Variants in KIRREL3 observed in about 807,000 individuals in gnomAD.
KIRREL3 encodes kirre like nephrin family adhesion molecule 3.
A neutral mutation model predicts 89.7 loss-of-function variants in KIRREL3; 36 were observed. The ratio of observed to expected loss-of-function variants is 0.40; its 90% CI spans 0.31 to 0.53. The LOEUF (loss-of-function observed/expected upper bound fraction) is 0.53, where lower values mean the gene tolerates loss of function less well. Among genes scored for constraint, KIRREL3 ranks in the 20% least tolerant of loss-of-function variants. The probability of loss-of-function intolerance (pLI) is 0.49; values close to 1 mark genes in which losing one functional copy is unlikely to be tolerated. For synonymous variants in KIRREL3, 445 were observed against 441.4 expected (o/e 1.01, Z -0.10); for missense variants, 864 against 1,056.6 (o/e 0.82, Z 2.53).
intron 2 of KIRREL3, among the ~76,000 whole-genome samples, chr11:126,543,525 T>C (rs946030061): frequency 6.6e-6 from 1 of 152,042 alleles, no homozygotes; most frequent in Non-Finnish European, 1.5e-5. Flanking sequence ...TGGCTTTTTT[T>C]CCCCCAACAG....
intron 6 of KIRREL3, among the ~76,000 whole-genome samples, chr11:126,460,285 G>A (rs141951368): frequency 4.9e-3 from 747 of 152,292 alleles, no homozygotes; most frequent in African/African-American, 0.017. Flanking sequence ...ATGGCTCTGC[G>A]TCCTGACAGC....
At chr11:126,559,928 C>T (rs920764016) in intron 2 of KIRREL3, among the ~76,000 whole-genome samples, 10 of 152,124 alleles carry the variant, frequency 6.6e-5, no homozygotes, top group African/African-American at 1.9e-4. Flanking sequence ...AGTGATCTGC[C>T]TGCCTTGGCC....
chr11:126,820,035 T>C (rs1177984091), intron 1 of KIRREL3, among the ~76,000 whole-genome samples: 4 of 152,228 alleles, frequency 2.6e-5, no homozygotes, highest in African/African-American at 7.2e-5. Context: ...TCATTCATTC[T>C]CTCATTCATT....
In KIRREL3 at chr11:126,571,408, G is replaced by A. The variant is rs984960798; in HGVS notation, c.56-8496C>T. 2.0e-5 allele frequency among the ~76,000 whole-genome samples: 3 copies of A among 152,140 alleles called. No individual in the cohort carries two copies. Among genetic ancestry groups the A allele is most frequent in the Admixed American group, 1.3e-4 (2 of 15,274 alleles). ...AGTGGGACACTGGTTACTATCTTTG[G>A]GGGCTGGGTGCAGCCCAGCCTTGCC... is the stretch of plus-strand genomic sequence containing the variant. On this transcript the variant is annotated intron_variant, in intron 1 of 16. Coordinates refer to ENST00000525144, the MANE Select transcript of KIRREL3 (RefSeq NM_032531.4). The surrounding 1 kb of genome is among the most constrained non-coding windows in gnomAD (Gnocchi z 7.7).
In KIRREL3 at chr11:126,551,844, C is replaced by T. The variant is rs1032966810; in HGVS notation, c.133+10991G>A. Among the ~76,000 whole-genome samples the T allele has an allele frequency of 1.3e-5, 2 of 152,186 alleles. No individual in the cohort carries two copies. Among genetic ancestry groups the T allele is most frequent in the African/African-American group, 4.8e-5 (2 of 41,456 alleles). ...TATTTTTAGTAGAGATGGGGTTTCACCATGTTAGTCAGGCTGGTCTTGAAC... is the reference window on the plus strand; with the variant it reads ...TATTTTTAGTAGAGATGGGGTTTCATCATGTTAGTCAGGCTGGTCTTGAAC... On this transcript the variant is annotated intron_variant, in intron 2 of 16. Coordinates refer to ENST00000525144, the MANE Select transcript of KIRREL3 (RefSeq NM_032531.4). The surrounding 1 kb of genome is among the most constrained non-coding windows in gnomAD (Gnocchi z 4.9).
Position 126,912,001 on chromosome 11 carries a change from A to AAC in KIRREL3, c.55+88453_55+88454insGT, listed in dbSNP as rs1946840648. On this transcript the variant is annotated intron_variant, in intron 1 of 16. Transcript: ENST00000525144. This position sits in a 1 kb window ranked among gnomAD's most constrained non-coding sequence, Gnocchi z 4.7. ...CTGTCTCAAAAAAAAAAAAAAAAAA[A>AAC]AAGAACGGCAACTGGGATGACTCAG... Among the ~76,000 whole-genome samples the AAC allele has an allele frequency of 6.9e-6, 1 of 145,824 alleles. No individual in the cohort carries two copies. The highest frequency in any genetic ancestry group is 2.3e-4 in the South Asian group (1 of 4,296).
intron 8 of KIRREL3, among the ~76,000 whole-genome samples, chr11:126,448,572 G>A (rs922690632): frequency 1.3e-5 from 2 of 152,198 alleles, no homozygotes; most frequent in Non-Finnish European, 1.5e-5. Flanking sequence ...AGCTTTGCAG[G>A]GGCAGGGGTT....
rs1406356827 is a variant in KIRREL3 at position 126,568,121 on chromosome 11, G to T, written c.56-5209C>A. Among the ~76,000 whole-genome samples the T allele has an allele frequency of 1.3e-5, 2 of 152,126 alleles. No individual in the cohort carries two copies. Among genetic ancestry groups the T allele is most frequent in the African/African-American group, 4.8e-5 (2 of 41,456 alleles). ...GGTGTGGCTGTAGCAGAAGAAAAAA[G>T]ATGAGACAGGAGATCTAGCCAGGGA... On this transcript the variant is annotated intron_variant, in intron 1 of 16. Coordinates refer to ENST00000525144, the MANE Select transcript of KIRREL3 (RefSeq NM_032531.4). The surrounding 1 kb of genome is among the most constrained non-coding windows in gnomAD (Gnocchi z 4.6).
At chr11:126,616,028 C>T (rs180950087) in intron 1 of KIRREL3, among the ~76,000 whole-genome samples, 4 of 152,180 alleles carry the variant, frequency 2.6e-5, no homozygotes, top group East Asian at 1.9e-4. Flanking sequence ...TTAGTGTGTC[C>T]GTTCACTTCA....
intron 1 of KIRREL3, among the ~76,000 whole-genome samples, chr11:126,738,200 T>G (rs1201856650): frequency 2.0e-5 from 3 of 152,208 alleles, no homozygotes; most frequent in Admixed American, 6.5e-5. Context: ...ATCCGACGCA[T>G]TTTCATTCAT....
At chr11:126,727,375 G>C (rs772505482) in intron 1 of KIRREL3, among the ~76,000 whole-genome samples, 5 of 152,220 alleles carry the variant, frequency 3.3e-5, no homozygotes, top group Non-Finnish European at 7.3e-5. Flanking sequence ...CTTTTTGGTG[G>C]CCTCAACCTG....
rs1344863530 is a variant in KIRREL3, at chr11:126,440,530, G to A, written c.1272C>T (p.Ser424=). 4.4e-6 allele frequency: 7 copies of A among 1,600,904 alleles called. No individual in the cohort carries two copies. The highest frequency in any genetic ancestry group is 6.0e-6 in the Non-Finnish European group (7 of 1,174,222). The change falls in exon 11 of 17, where the codon AGC becomes AGT. Residue 424 remains serine (S), a synonymous_variant. Coordinates refer to ENST00000525144, the MANE Select transcript of KIRREL3 (RefSeq NM_032531.4). ...CGTGGAGGGCGTGCTGGGTCTGGGT[G>A]CTGGAGATGATGGGGGGTCCTGTTG... ...LTVNGPPIIS[S]TQTQHALHGE...
At chr11:126,816,558 T>C (rs1352567972) in intron 1 of KIRREL3, among the ~76,000 whole-genome samples, 1 of 152,258 alleles carries the variant, frequency 6.6e-6, no homozygotes, top group East Asian at 1.9e-4. Context: ...GTCCTGGCTA[T>C]GTTTCCATTT....
rs1460362680 is a variant in KIRREL3 at position 126,891,606 on chromosome 11, G to C, written c.55+108849C>G. ...TATCACTGTCAGGGAGCAAACGGCA[G>C]AAGCCAGTCTCAGGGAAGCCAGTGG... On this transcript the variant is annotated intron_variant, in intron 1 of 16. Transcript: ENST00000525144. This position sits in a 1 kb window ranked among gnomAD's most constrained non-coding sequence, Gnocchi z 5.1. Among the ~76,000 whole-genome samples the C allele has an allele frequency of 6.6e-6, 1 of 152,258 alleles. No homozygotes were observed. The highest frequency in any genetic ancestry group is 2.4e-5 in the African/African-American group (1 of 41,474).
At chr11:126,875,751 T>A (rs1050711232) in intron 1 of KIRREL3, among the ~76,000 whole-genome samples, 44 of 152,276 alleles carry the variant, frequency 2.9e-4, no homozygotes, top group African/African-American at 1.0e-3. Context: ...CAATCCATTC[T>A]CATTATGCCC....
In KIRREL3 at chr11:126,948,233, C is replaced by G. The variant is rs1948674829; in HGVS notation, c.55+52222G>C. On this transcript the variant is annotated intron_variant, in intron 1 of 16. Coordinates refer to ENST00000525144, the MANE Select transcript of KIRREL3 (RefSeq NM_032531.4). The surrounding 1 kb of genome is among the most constrained non-coding windows in gnomAD (Gnocchi z 4.5). The stretch of plus-strand genomic sequence containing the variant: ...CCTTTGATTTAATAAGAAACCAATT[C>G]TATATTATTGAAATTGTACTTGATA... Among the ~76,000 whole-genome samples, 2 of 151,938 alleles carry G rather than the reference C, an allele frequency of 1.3e-5. No individual in the cohort carries two copies. Among genetic ancestry groups the G allele is most frequent in the Non-Finnish European group, 1.5e-5 (1 of 67,990 alleles).
At chr11:126,650,767 C>A (rs933050215) in intron 1 of KIRREL3, among the ~76,000 whole-genome samples, 1 of 152,172 alleles carries the variant, frequency 6.6e-6, no homozygotes, top group Admixed American at 6.5e-5. Flanking sequence ...AAGTCACTTC[C>A]ACATCTTTGG....
intron 2 of KIRREL3, among the ~76,000 whole-genome samples, chr11:126,554,541 G>T (rs943358828): frequency 2.6e-5 from 4 of 152,256 alleles, no homozygotes; most frequent in Admixed American, 1.3e-4. Context: ...GTCTATGATT[G>T]TCAAATTATC....
rs573145595 is a variant in KIRREL3 at position 126,503,791 on chromosome 11, CCTT to C, written c.433+17521_433+17523del. 1.4e-3 allele frequency among the ~76,000 whole-genome samples: 214 copies of C among 151,728 alleles called. 1 individual carries two copies. The highest frequency in any genetic ancestry group is 3.3e-3 in the Admixed American group (50 of 15,258). On this transcript the variant is annotated intron_variant, in intron 4 of 16. Coordinates refer to ENST00000525144, the MANE Select transcript of KIRREL3 (RefSeq NM_032531.4). The stretch of plus-strand genomic sequence containing the variant: ...TCCCTCTCCCTCTTTCCCTCCCTCT[CCTT>C]CTCTCTCTGTCTCTCTCTCTCCTTC...
Sources: gnomAD v4.1 joint callset for allele counts (sites outside exome capture counted in the v4.1 genomes callset) on GRCh38, gnomAD v4.1.1 for gene constraint, Gnocchi (gnomAD v3.1) non-coding constraint, MANE v1.5 for transcripts, NCBI Gene and HGNC (gene_info 2026-07-23, HGNC 2026-07-21) for gene names.